Variants in SYNPO2 observed in about 807,000 individuals in gnomAD.
SYNPO2 encodes the protein synaptopodin-2.
SYNPO2 carries 56 observed loss-of-function variants against 85.0 expected under a neutral mutation model. The observed-to-expected ratio is 0.66, with a 90% confidence interval of 0.53 to 0.82. The LOEUF is 0.82. Among genes scored for constraint, SYNPO2 ranks in the 40% least tolerant of loss-of-function variants. The pLI is 0.00. For missense variants in SYNPO2, 1,575 were observed against 1,534.2 expected, an observed-to-expected ratio of 1.03 and a Z score of -0.44; for synonymous variants, 602 against 591.1, an observed-to-expected ratio of 1.02 and a Z score of -0.27.
rs200159722 is a variant in SYNPO2, at chr4:119,022,690, GTATTTTATTT to G, written c.106-731_106-722del. Among the ~76,000 whole-genome samples, 55 of 139,566 alleles carry G rather than the reference GTATTTTATTT, an allele frequency of 3.9e-4. 1 individual carries two copies. The East Asian group carries it at 9.7e-3, about 25-fold the overall frequency. 91.6% of individuals were successfully genotyped at this position (139,566 alleles called of 152,430 possible). A position where few individuals can be genotyped will look rare whatever the true frequency, so the allele number is the denominator to read the frequency against. ...TATTTTATTTTATTTTATTTTAATT[GTATTTTATTT>G]TATTTTATATTTTATTTTATTTTAA... is the stretch of plus-strand genomic sequence containing the variant. On this transcript the variant is annotated intron_variant, in intron 1 of 4. Transcript: ENST00000307142.
intron 1 of SYNPO2, among the ~76,000 whole-genome samples, chr4:118,895,486 G>A (rs1272063739): frequency 6.6e-6 from 1 of 152,184 alleles, no homozygotes; most frequent in Non-Finnish European, 1.5e-5. Flanking sequence ...TGGAGCATGT[G>A]TATGGTTTCT....
Position 119,031,821 on chromosome 4 carries a change from C to T in SYNPO2, c.3046C>T (p.Pro1016Ser), listed in dbSNP as rs1321590365. The change falls in exon 4 of 5, where the codon CCT becomes TCT. Residue 1016 changes from proline (P) to serine (S), a missense_variant. Physicochemically the swap from Pro to Ser is moderately conservative, Grantham distance 74. Coordinates refer to ENST00000307142, the MANE Select transcript of SYNPO2 (RefSeq NM_133477.3). ...LPPRPVNAAS[P>S]TNVQASSVYS... is the part of the protein sequence containing the mutation. ...TCCCCGGCCAGTGAATGCTGCCTCA[C>T]CTACGAATGTGCAGGCTTCGTCAGT... is the stretch of plus-strand genomic sequence containing the variant. 1.2e-6 allele frequency: 2 copies of T among 1,614,232 alleles called. No individual in the cohort carries two copies. Among genetic ancestry groups the T allele is most frequent in the South Asian group, 1.1e-5 (1 of 91,086 alleles).
At chr4:118,879,023 G>A (rs1179869781) in intron 1 of SYNPO2, among the ~76,000 whole-genome samples, 5 of 152,110 alleles carry the variant, frequency 3.3e-5, no homozygotes, top group African/African-American at 9.7e-5. Context: ...GAACCCACAG[G>A]GAGGAATGAA....
chr4:119,023,680 A>G (rs1478872050), intron 2 of SYNPO2, 99 bp downstream of exon 2: 14 of 1,340,148 alleles, frequency 1.0e-5, no homozygotes, highest in African/African-American at 3.0e-5. Context: ...TGGAGAAATT[A>G]GGGGTGCTTT....
intron 1 of SYNPO2, among the ~76,000 whole-genome samples, chr4:118,925,068 A>G (rs875229): frequency 0.58 from 88,271 of 152,024 alleles, 27,481 homozygotes; most frequent in East Asian, 0.81. Context: ...GAAATGCACC[A>G]TTAATTTCAC....
At chr4:118,882,615 C>T (rs1732125896) in intron 1 of SYNPO2, among the ~76,000 whole-genome samples, 1 of 152,176 alleles carries the variant, frequency 6.6e-6, no homozygotes, top group African/African-American at 2.4e-5. Flanking sequence ...CTCTCACACA[C>T]ACACACCCCA....
chr4:118,866,665 G>T (rs6818519), intron 1 of SYNPO2, among the ~76,000 whole-genome samples: 10,170 of 152,126 alleles, frequency 0.067, 417 homozygotes, highest in African/African-American at 0.099. Flanking sequence ...CATGGGGGTG[G>T]ACCTCCCCCT....
intron 1 of SYNPO2, among the ~76,000 whole-genome samples, chr4:118,953,611 T>TG (rs1020868183): frequency 5.9e-5 from 9 of 151,956 alleles, no homozygotes; most frequent in African/African-American, 2.2e-4. Flanking sequence ...TTTTTTTTTT[T>TG]GATAATTAAA....
chr4:118,894,550 C>T (rs962260262), intron 1 of SYNPO2, among the ~76,000 whole-genome samples: 2 of 130,736 alleles, frequency 1.5e-5, no homozygotes, highest in African/African-American at 2.9e-5. Flanking sequence ...GTTGGGGGAA[C>T]GTCGGGGGAA....
chr4:118,881,907 C>G (rs1732111106), intron 1 of SYNPO2, among the ~76,000 whole-genome samples: 1 of 152,176 alleles, frequency 6.6e-6, no homozygotes, highest in Admixed American at 6.5e-5. Context: ...CTAGTGTGCC[C>G]AGCACATGAT....
chr4:118,885,926 C>T (rs975757864), upstream of SYNPO2, among the ~76,000 whole-genome samples: 8 of 152,140 alleles, frequency 5.3e-5, no homozygotes, highest in Non-Finnish European at 7.4e-5. Context: ...CTGGCTCTAT[C>T]GCTTAGGATT....
chr4:119,038,319 A>T, intron 4 of SYNPO2: 1 of 985,328 alleles, frequency 1.0e-6, no homozygotes, highest in South Asian at 4.7e-5. Context: ...GCTATGACGC[A>T]TGTTGAAAGT....
intron 4 of SYNPO2, among the ~76,000 whole-genome samples, chr4:119,044,285 A>G (rs1435116015): frequency 1.3e-5 from 2 of 152,214 alleles, no homozygotes. Flanking sequence ...CTCCAGCAAA[A>G]CAATCACACA....
At chr4:118,901,879 T>A (rs983622813) in intron 1 of SYNPO2, among the ~76,000 whole-genome samples, 1 of 152,116 alleles carries the variant, frequency 6.6e-6, no homozygotes, top group Admixed American at 6.6e-5. Context: ...AGATTCAATG[T>A]TAGTTAGTGC....
At chr4:119,038,722 T>A (rs1010643512) in intron 4 of SYNPO2, among the ~76,000 whole-genome samples, 1 of 152,152 alleles carries the variant, frequency 6.6e-6, no homozygotes, top group Non-Finnish European at 1.5e-5. Context: ...GAAAAAGAGT[T>A]ACCCCTGGAA....
intron 1 of SYNPO2, among the ~76,000 whole-genome samples, chr4:118,995,937 C>A (rs1325591447): frequency 4.0e-5 from 6 of 151,732 alleles, no homozygotes; most frequent in African/African-American, 1.5e-4. Flanking sequence ...TTCTGTCTTG[C>A]CTCTTTTTAT....
chr4:118,972,566 T>C (rs758224330), intron 1 of SYNPO2, among the ~76,000 whole-genome samples: 1 of 152,242 alleles, frequency 6.6e-6, no homozygotes, highest in African/African-American at 2.4e-5. Context: ...CTTCAAACTG[T>C]AAGGGCAGTT....
At chr4:118,869,166 C>T (rs542942964) in intron 1 of SYNPO2, among the ~76,000 whole-genome samples, 5 of 152,300 alleles carry the variant, frequency 3.3e-5, no homozygotes, top group African/African-American at 1.2e-4. Flanking sequence ...AAGCAATTCT[C>T]CTACCTCAAC....
chr4:119,007,216 G>T (rs1429030755), intron 1 of SYNPO2, among the ~76,000 whole-genome samples: 1 of 46,286 alleles, frequency 2.2e-5, no homozygotes, highest in Non-Finnish European at 4.3e-5. Flanking sequence ...AAGAACAAAG[G>T]TATATATATA....
Sources: gnomAD v4.1 joint callset for allele counts (sites outside exome capture counted in the v4.1 genomes callset) on GRCh38, gnomAD v4.1.1 for gene constraint, MANE v1.5 for transcripts, NCBI Gene and HGNC (gene_info 2026-07-23, HGNC 2026-07-21) for gene names.